The following VWF variants were observed in gnomAD, a reference collection of about 807,000 sequenced individuals.
VWF encodes Factor VIII related antigen.
VWF carries 176 observed loss-of-function variants against 308.6 expected under a neutral mutation model. The observed-to-expected ratio is 0.57, with a 90% CI of 0.50 to 0.65. VWF has a LOEUF of 0.65. Among genes scored for constraint, VWF ranks in the 30% least tolerant of loss-of-function variants. The pLI, the probability that VWF is intolerant of heterozygous loss-of-function variation, is 0.00. For synonymous variants in VWF, 1,385 were observed against 1,443.4 expected, an observed-to-expected ratio of 0.96 and a Z score of 0.92; for missense variants, 3,146 against 3,648.2, an observed-to-expected ratio of 0.86 and a Z score of 3.55.
chr12:6,058,053 G>A lies in VWF; in HGVS notation c.1534-9C>T, dbSNP rs1225020106. The A allele has an allele frequency of 6.2e-7, 1 of 1,612,970 alleles. No individual in the cohort carries two copies. Among genetic ancestry groups the A allele is most frequent in the Non-Finnish European group, 8.5e-7 (1 of 1,180,014 alleles). On this transcript the variant is annotated splice_polypyrimidine_tract_variant and intron_variant, in intron 13 of 51. Coordinates refer to ENST00000261405, the MANE Select transcript of VWF (RefSeq NM_000552.5). This position sits in a 1 kb window ranked among gnomAD's most constrained non-coding sequence, Gnocchi z 4.9. ...GCATAGACGGGGGACAGCTGCAGGA[G>A]AGACCAGGCCACTCTGGAGCCGCTG...
In VWF at chr12:6,046,840, C is replaced by T. The variant is rs377221888; in HGVS notation, c.2187-23G>A. 21 of 1,608,646 alleles carry T rather than the reference C, an allele frequency of 1.3e-5. No homozygotes were observed. Among genetic ancestry groups the T allele is most frequent in the Non-Finnish European group, 1.5e-5 (18 of 1,176,216 alleles). On this transcript the variant is annotated intron_variant, in intron 16 of 51. Transcript: ENST00000261405. The surrounding 1 kb of genome is among the most constrained non-coding windows in gnomAD (Gnocchi z 5.0). ...TAGCTGCAGAGAAGAAAATCATAGC[C>T]GAGCTTCACGAGACTCGTCTATACT...
At chr12:5,998,394 A>G (rs1299567056) in intron 34 of VWF, among the ~76,000 whole-genome samples, 8 of 141,420 alleles carry the variant, frequency 5.7e-5, no homozygotes, top group Non-Finnish European at 1.1e-4. Flanking sequence ...GCTACTCGGG[A>G]GGCTGAGGCA....
intron 46 of VWF, 109 bp downstream of exon 46, chr12:5,968,018 T>C: frequency 6.7e-7 from 1 of 1,496,166 alleles, no homozygotes; most frequent in Non-Finnish European, 9.2e-7. Context: ...GGGTTGGGTC[T>C]CTCTGGTTTC....
intron 18 of VWF, among the ~76,000 whole-genome samples, chr12:6,038,658 C>A (rs952562283): frequency 1.1e-4 from 16 of 152,342 alleles, no homozygotes; most frequent in African/African-American, 3.8e-4. Context: ...TCCTTCTGAG[C>A]ACCCACTGCA....
At chr12:6,023,504 C>A in intron 25 of VWF, 127 bp downstream of exon 25, 1 of 1,409,226 alleles carries the variant, frequency 7.1e-7, no homozygotes, top group Non-Finnish European at 9.8e-7. Flanking sequence ...CCTTGGCCAT[C>A]CAGTCCCTAC....
At chr12:6,098,419 C>T (rs772052484) in intron 5 of VWF, among the ~76,000 whole-genome samples, 2 of 152,164 alleles carry the variant, frequency 1.3e-5, no homozygotes, top group African/African-American at 2.4e-5. Context: ...CACTGAAACA[C>T]GTGCCACTAC....
Position 6,021,938 on chromosome 12 carries a change from G to T in VWF, c.3636C>A (p.Val1212=). 6.2e-7 allele frequency: 1 copy of T among 1,614,146 alleles called. No homozygotes were observed. The highest frequency in any genetic ancestry group is 1.1e-5 in the South Asian group (1 of 91,074). Residue 1212 remains valine, a synonymous_variant, in exon 27 of 52, where the codon GTC becomes GTA. Transcript: ENST00000261405. ...AGRRFASGKK[V]TLNPSDPEHC... ...GCTCAGGGTCACTGGGATTCAAGGTGACTTTCTTTCCTGAGGCAAAACGCC... is the reference window on the plus strand; with the variant it reads ...GCTCAGGGTCACTGGGATTCAAGGTTACTTTCTTTCCTGAGGCAAAACGCC...
At chr12:5,951,538 G>A (rs1449338885) in intron 50 of VWF, among the ~76,000 whole-genome samples, 1 of 152,198 alleles carries the variant, frequency 6.6e-6, no homozygotes, top group Non-Finnish European at 1.5e-5. Flanking sequence ...AAGATCCTAT[G>A]AGGGAAAAGG....
chr12:6,092,622 T>TGAGAGTGAGAGAGAGA (rs1403649370), intron 6 of VWF, among the ~76,000 whole-genome samples: 4 of 91,528 alleles, frequency 4.4e-5, no homozygotes, highest in Admixed American at 1.1e-4. Context: ...AGTGAGAGTG[T>TGAGAGTGAGAGAGAGA]GTGTGTGTGT....
intron 38 of VWF, 100 bp downstream of exon 38, chr12:5,991,719 T>G: frequency 7.5e-7 from 1 of 1,329,204 alleles, no homozygotes; most frequent in East Asian, 2.3e-5. Flanking sequence ...GAGTCAACCC[T>G]GCTGCCACAG....
Position 6,016,800 on chromosome 12 carries a change from A to C in VWF, c.5124T>G (p.Asp1708Glu), listed in dbSNP as rs780827503. 2.5e-6 allele frequency: 4 copies of C among 1,614,092 alleles called. No homozygotes were observed. The South Asian group carries it at 4.4e-5, about 18-fold the overall frequency. Reference sequence around the variant, plus strand: ...AAGCCTTGGCGAAACTCTTCATTTCATCAAAATAAGAAGCTGGGAAACTGG... The same window carrying C: ...AAGCCTTGGCGAAACTCTTCATTTCCTCAAAATAAGAAGCTGGGAAACTGG... ...GSSSFPASYF[D>E]EMKSFAKAFI... Residue 1708 changes from aspartate to glutamate, a missense_variant, in exon 29 of 52, where the codon GAT becomes GAG. Transcript: ENST00000261405.
intron 5 of VWF, among the ~76,000 whole-genome samples, chr12:6,100,073 G>A (rs1364986262): frequency 2.6e-5 from 4 of 152,024 alleles, no homozygotes; most frequent in African/African-American, 9.7e-5. Context: ...CCGTCAAAAA[G>A]TGGGTGAAGG....
chr12:6,005,342 T>C (rs903532661), intron 34 of VWF, among the ~76,000 whole-genome samples: 5 of 152,190 alleles, frequency 3.3e-5, no homozygotes, highest in Non-Finnish European at 7.4e-5. Context: ...TTATTATTCT[T>C]ATCTCACACC....
In VWF at chr12:6,109,254, C is replaced by T. The variant is rs564280974; in HGVS notation, c.532+1120G>A. Among the ~76,000 whole-genome samples, 23 of 149,890 alleles carry T rather than the reference C, an allele frequency of 1.5e-4. No individual in the cohort carries two copies. In the South Asian group the frequency reaches 2.5e-3, roughly 16 times the overall value. On this transcript the variant is annotated intron_variant, in intron 5 of 51. Coordinates refer to ENST00000261405, the MANE Select transcript of VWF (RefSeq NM_000552.5). ...AGAGACACACAGACACACACACACACGTGTATATATATACATATATATACA... is the reference window on the plus strand; with the variant it reads ...AGAGACACACAGACACACACACACATGTGTATATATATACATATATATACA...
intron 18 of VWF, among the ~76,000 whole-genome samples, chr12:6,042,858 CAT>C (rs1944410051): frequency 1.3e-5 from 2 of 152,182 alleles, no homozygotes; most frequent in South Asian, 4.1e-4. Context: ...CCGATGCTGA[CAT>C]AGTCCTCTGA....
intron 6 of VWF, among the ~76,000 whole-genome samples, chr12:6,088,473 T>C (rs1229564019): frequency 2.8e-5 from 4 of 141,206 alleles, no homozygotes; most frequent in African/African-American, 1.1e-4. Context: ...AGCGAGACTC[T>C]GTCTAAAAAA....
At chr12:5,989,025 AC>A (rs529793935) in intron 38 of VWF, among the ~76,000 whole-genome samples, 1 of 152,332 alleles carries the variant, frequency 6.6e-6, no homozygotes, top group African/African-American at 2.4e-5. Context: ...TGAAATGCAA[AC>A]ACTGAGCCCA....
intron 17 of VWF, among the ~76,000 whole-genome samples, chr12:6,044,844 A>G (rs1026229033): frequency 6.6e-6 from 1 of 152,144 alleles, no homozygotes; most frequent in African/African-American, 2.4e-5. Flanking sequence ...TCATTCCTAA[A>G]TGGTTACAAC....
chr12:5,994,125 T>C lies in VWF; in HGVS notation c.6335A>G (p.Gln2112Arg), dbSNP rs1943779411. 3 of 1,614,198 alleles carry C rather than the reference T, an allele frequency of 1.9e-6. No homozygotes were observed. The highest frequency in any genetic ancestry group is 1.6e-4 in the Middle Eastern group (1 of 6,062). Residue 2112 changes from glutamine to arginine, a missense_variant, in exon 37 of 52, where the codon CAG becomes CGG. By Grantham distance (43) the Gln-to-Arg change is conservative. Coordinates refer to ENST00000261405, the MANE Select transcript of VWF (RefSeq NM_000552.5). Reference protein sequence around the residue: ...TVTTDWKTLVQEWTVQRPGQT... With the variant: ...TVTTDWKTLVREWTVQRPGQT... ...CCCTGGCCGCTGCACAGTCCATTCC[T>C]GAACAAGTGTTTTCCAGTCTGTGGT...
Sources: allele counts gnomAD v4.1 joint callset (sites outside exome capture counted in the v4.1 genomes callset), GRCh38; gene constraint gnomAD v4.1.1; non-coding constraint Gnocchi (gnomAD v3.1); transcripts MANE v1.5; gene names NCBI Gene and HGNC (gene_info 2026-07-23, HGNC 2026-07-21).